Variants in IRAG1 observed in about 807,000 individuals in gnomAD.
IRAG1 encodes IP3R-associated cGMP kinase substrate.
In IRAG1, 62 loss-of-function variants were observed where a neutral mutation model predicts 106.2. The ratio of observed to expected loss-of-function variants is 0.58; its 90% confidence interval spans 0.48 to 0.72. The LOEUF (loss-of-function observed/expected upper bound fraction) is 0.72, where lower values mean the gene tolerates loss of function less well. Ranked by LOEUF, IRAG1 falls within the 30% of genes least tolerant of loss-of-function variation. The pLI is 0.00. For missense variants in IRAG1, 1,064 were observed against 1,140.7 expected, an observed-to-expected ratio of 0.93 and a Z score of 0.97; for synonymous variants, 462 against 443.9, an observed-to-expected ratio of 1.04 and a Z score of -0.51.
At position 10,580,532 on chromosome 11, in the gene IRAG1, TTCC is replaced by T. The variant is rs145405534; in HGVS notation, c.2415_2417del (p.Glu807del). ...CCTCAGGACTCTCACTCTTCTGTTC[TTCC>T]TCCTCCTCCTTCAGGTCTTGAAGTT... On this transcript the variant is annotated inframe_deletion, in exon 20 of 21. Transcript: ENST00000423302. 2,132 of 1,613,944 alleles carry T rather than the reference TTCC, an allele frequency of 1.3e-3. 26 individuals carry two copies. The African/African-American group carries it at 0.024, about 18-fold the overall frequency.
At chr11:10,598,441 T>C (rs1853574996) in intron 15 of IRAG1, among the ~76,000 whole-genome samples, 1 of 152,226 alleles carries the variant, frequency 6.6e-6, no homozygotes, top group African/African-American at 2.4e-5. Context: ...TCTTTACATG[T>C]GAAGAGTTCA....
intron 1 of IRAG1, among the ~76,000 whole-genome samples, chr11:10,664,361 G>A (rs1176488218): frequency 6.6e-6 from 1 of 152,186 alleles, no homozygotes; most frequent in Non-Finnish European, 1.5e-5. Flanking sequence ...AATAACCTTG[G>A]GCTGGGCTGC....
intron 9 of IRAG1, among the ~76,000 whole-genome samples, chr11:10,625,108 T>C (rs1165500289): frequency 2.0e-5 from 3 of 152,332 alleles, no homozygotes; most frequent in East Asian, 3.9e-4. Context: ...GTGGCCAGCA[T>C]TGGAATGTGT....
chr11:10,689,504 C>T (rs144536524), intron 1 of IRAG1, among the ~76,000 whole-genome samples: 3,361 of 152,250 alleles, frequency 0.022, 52 homozygotes, highest in Middle Eastern at 0.041. Context: ...ACACCTTGGG[C>T]CACACCACAC....
chr11:10,596,212 T>C (rs955548753), intron 15 of IRAG1, among the ~76,000 whole-genome samples: 3 of 152,208 alleles, frequency 2.0e-5, no homozygotes, highest in Admixed American at 6.5e-5. Context: ...CATCCTCTAG[T>C]TGTTCTTTCA....
intron 1 of IRAG1, chr11:10,658,405 T>A (rs1399435170): frequency 6.6e-6 from 1 of 152,334 alleles, no homozygotes; most frequent in African/African-American, 2.4e-5. Context: ...GTTGTAACGA[T>A]TAAATCAGGA....
chr11:10,667,549 G>A (rs1413200024), intron 1 of IRAG1, among the ~76,000 whole-genome samples: 7 of 152,196 alleles, frequency 4.6e-5, no homozygotes, highest in Non-Finnish European at 1.0e-4. Context: ...TAGCCATCCT[G>A]CAGCCCTATT....
At chr11:10,598,684 C>T (rs1330074949) in intron 15 of IRAG1, among the ~76,000 whole-genome samples, 1 of 152,144 alleles carries the variant, frequency 6.6e-6, no homozygotes, top group African/African-American at 2.4e-5. Flanking sequence ...TCAGTGAAAA[C>T]ATAAATGGGT....
intron 1 of IRAG1, among the ~76,000 whole-genome samples, chr11:10,684,607 TA>T (rs1861522648): frequency 2.2e-5 from 2 of 92,630 alleles, no homozygotes; most frequent in East Asian, 2.3e-4. Flanking sequence ...TAAAGTATAA[TA>T]ATAATAATAA....
intron 1 of IRAG1, among the ~76,000 whole-genome samples, chr11:10,693,123 G>A (rs374428254): frequency 2.0e-5 from 3 of 152,194 alleles, no homozygotes; most frequent in Non-Finnish European, 4.4e-5. Context: ...GCAGAGGGGC[G>A]TAGGGGGACA....
At chr11:10,580,843 G>T (rs1591534489) in intron 19 of IRAG1, among the ~76,000 whole-genome samples, 1 of 152,224 alleles carries the variant, frequency 6.6e-6, no homozygotes, top group East Asian at 1.9e-4. Context: ...AAAATGTGGT[G>T]CAGGGTCTCC....
intron 16 of IRAG1, 170 bp downstream of exon 16, chr11:10,593,976 G>GA (rs1301474132): frequency 6.2e-6 from 4 of 644,270 alleles, no homozygotes; most frequent in Non-Finnish European, 1.1e-5. Flanking sequence ...CCATGAGCAA[G>GA]AAAGGTAAGA....
At chr11:10,602,506 C>T (rs538246757) in intron 14 of IRAG1, among the ~76,000 whole-genome samples, 9 of 152,196 alleles carry the variant, frequency 5.9e-5, no homozygotes, top group African/African-American at 1.7e-4. Flanking sequence ...CATGGGGGGC[C>T]GGGGCGGGGC....
chr11:10,603,402 C>T (rs894328350), intron 13 of IRAG1, among the ~76,000 whole-genome samples, 151 bp from the exon 14 acceptor site: 3 of 152,260 alleles, frequency 2.0e-5, no homozygotes, highest in Admixed American at 2.0e-4. Context: ...GAAACTCTTC[C>T]ACCTCTGATC....
At chr11:10,631,904 G>T in intron 4 of IRAG1, 87 bp downstream of exon 4, 1 of 1,113,994 alleles carries the variant, frequency 9.0e-7, no homozygotes, top group South Asian at 1.3e-5. Context: ...GCGCCTTAAA[G>T]AGCAGGAGAG....
In IRAG1 at chr11:10,604,461, T is replaced by A. The variant is rs1218034360; in HGVS notation, c.1687A>T (p.Asn563Tyr). 6 of 1,614,084 alleles carry A rather than the reference T, an allele frequency of 3.7e-6. No individual in the cohort carries two copies. The highest frequency in any genetic ancestry group is 3.3e-4 in the Middle Eastern group (2 of 6,062). Residue 563 changes from asparagine to tyrosine, a missense_variant, in exon 13 of 21, where the codon AAC becomes TAC. By Grantham distance (143) the Asn-to-Tyr change is moderately radical. Transcript: ENST00000423302. ...TTCTCAGTGTTCTCCTCTGTCAGGT[T>A]GCGTTCCCTTTCAGCCTGGTTAATT... is the stretch of plus-strand genomic sequence containing the variant. Reference protein sequence around the residue: ...SRINQAERERNLTEENTEKEL... With the variant: ...SRINQAERERYLTEENTEKEL...
chr11:10,668,558 G>A (rs1859968212), intron 1 of IRAG1, among the ~76,000 whole-genome samples: 1 of 152,170 alleles, frequency 6.6e-6, no homozygotes, highest in Non-Finnish European at 1.5e-5. Context: ...TGCTATGAGG[G>A]CAATTGAGTA....
chr11:10,596,135 T>C (rs1021328521), intron 15 of IRAG1, among the ~76,000 whole-genome samples: 7 of 152,238 alleles, frequency 4.6e-5, no homozygotes, highest in Non-Finnish European at 1.0e-4. Context: ...TCTTTGCTAT[T>C]GTGAAAAGTG....
chr11:10,583,879 A>G (rs1393701819), intron 18 of IRAG1, among the ~76,000 whole-genome samples: 1 of 152,154 alleles, frequency 6.6e-6, no homozygotes, highest in African/African-American at 2.4e-5. Context: ...GGTATTCTCT[A>G]TAAAGTGGAA....
Sources: gnomAD v4.1 joint callset for allele counts (sites outside exome capture counted in the v4.1 genomes callset) on GRCh38, gnomAD v4.1.1 for gene constraint, MANE v1.5 for transcripts, NCBI Gene and HGNC (gene_info 2026-07-23, HGNC 2026-07-21) for gene names.